Variants in ATP12A observed in about 807,000 individuals in gnomAD.
ATP12A encodes potassium-transporting ATPase alpha chain 2.
A neutral mutation model predicts 111.2 loss-of-function variants in ATP12A; 81 were observed. The ratio of observed to expected loss-of-function variants is 0.73; its 90% CI spans 0.61 to 0.88. The LOEUF (loss-of-function observed/expected upper bound fraction) is 0.88, where lower values mean the gene tolerates loss of function less well. Ranked by LOEUF, ATP12A falls within the 40% of genes least tolerant of loss-of-function variation. The pLI is 0.00. For synonymous variants in ATP12A, 498 were observed against 499.8 expected (o/e 1.00, Z 0.05); for missense variants, 1,196 against 1,313.1 (o/e 0.91, Z 1.38).
chr13:24,690,750 T>C, intron 7 of ATP12A, 29 bp downstream of exon 7: 5 of 1,574,468 alleles, frequency 3.2e-6, no homozygotes, highest in Non-Finnish European at 3.5e-6. Context: ...TCAGCCCACA[T>C]GTCCACCTGT....
chr13:24,702,077 C>T lies in ATP12A; in HGVS notation c.2018+6C>T, dbSNP rs909750204. The T allele has an allele frequency of 1.9e-6, 3 of 1,614,078 alleles. No homozygotes were observed. Among genetic ancestry groups the T allele is most frequent in the Non-Finnish European group, 2.5e-6 (3 of 1,180,030 alleles). On this transcript the variant is annotated splice_donor_region_variant and intron_variant, in intron 14 of 22. Coordinates refer to ENST00000381946, the MANE Select transcript of ATP12A (RefSeq NM_001676.7). ...GTGGAGCAAGTTAACAAACGGTAAG[C>T]ACAGGAGCAGCATAGTAAAAATTCC...
chr13:24,682,822 T>C (rs1444846586), intron 2 of ATP12A, among the ~76,000 whole-genome samples: 1 of 152,176 alleles, frequency 6.6e-6, no homozygotes, highest in East Asian at 1.9e-4. Flanking sequence ...CCATTTCCTT[T>C]ATGTAAAATG....
Position 24,690,395 on chromosome 13 carries a change from GT to G in ATP12A, c.605del (p.Val202GlyfsTer127). Reference protein sequence around the residue: ...KKTIPSEQLVVGDIVEVKGGD... With the variant: ...KKTIPSEQLVXGDIVEVKGGD... ...GACCATCCCTTCAGAGCAGCTGGTGGTGGGGGACATTGTGGAGGTCAAAGGA... is the reference window on the plus strand; with the variant it reads ...GACCATCCCTTCAGAGCAGCTGGTGGGGGGGACATTGTGGAGGTCAAAGGA... On this transcript the variant is annotated frameshift_variant, in exon 6 of 23. Transcript: ENST00000381946. LOFTEE classifies it high-confidence loss of function. The G allele has an allele frequency of 6.2e-7, 1 of 1,613,450 alleles. No homozygotes were observed. Among genetic ancestry groups the G allele is most frequent in the Non-Finnish European group, 8.5e-7 (1 of 1,179,904 alleles).
chr13:24,685,212 C>T lies in ATP12A; in HGVS notation c.169-102C>T, dbSNP rs1874625155. 1 of 1,109,078 alleles carries T rather than the reference C, an allele frequency of 9.0e-7. No homozygotes were observed. The highest frequency in any genetic ancestry group is 1.4e-6 in the Non-Finnish European group (1 of 725,876). The allele number at this position is 1,109,078 out of a possible 1,614,324, so 68.7% of individuals were successfully genotyped here. ...CCCACACTCCTCGATCCCCTCCCATCCTCAGGGCTGCTACTCCCAGCTTCC... is the reference window on the plus strand; with the variant it reads ...CCCACACTCCTCGATCCCCTCCCATTCTCAGGGCTGCTACTCCCAGCTTCC... On this transcript the variant is annotated intron_variant, in intron 2 of 22. Transcript: ENST00000381946. The surrounding 1 kb of genome is among the most constrained non-coding windows in gnomAD (Gnocchi z 5.5).
rs1875963543 is a variant in ATP12A, at chr13:24,711,393, C to T, written c.3075C>T (p.Ile1025=). The T allele has an allele frequency of 1.9e-6, 3 of 1,613,180 alleles. No individual in the cohort carries two copies. In the African/African-American group the frequency reaches 4.0e-5, roughly 22 times the overall value. ...ATGATGAGGTGCGGAAGCTCTTCAT[C>T]AGGCTCTACCCTGGAAGTGAGTAGC... ...WVYDEVRKLF[I]RLYPGSWWDK... is the part of the protein sequence containing the mutation. Residue 1025 remains isoleucine, a synonymous_variant, in exon 22 of 23, where the codon ATC becomes ATT. Coordinates refer to ENST00000381946, the MANE Select transcript of ATP12A (RefSeq NM_001676.7).
rs1389343925 is a variant in ATP12A at position 24,710,816 on chromosome 13, C to T, written c.2922C>T (p.Ile974=). 1 of 1,614,094 alleles carries T rather than the reference C, an allele frequency of 6.2e-7. No homozygotes were observed. The highest frequency in any genetic ancestry group is 1.3e-5 in the African/African-American group (1 of 74,946). Reference sequence around the variant, plus strand: ...GAAATAAAGTCATCTGGGTGGGGATCACCTCACAGATCATCATTGGTCTGA... The same window carrying T: ...GAAATAAAGTCATCTGGGTGGGGATTACCTCACAGATCATCATTGGTCTGA... The part of the protein sequence containing the change: ...LFRNKVIWVG[I]TSQIIIGLIL... The change falls in exon 21 of 23, where the codon ATC becomes ATT. Residue 974 remains isoleucine (I), a synonymous_variant. Coordinates refer to ENST00000381946, the MANE Select transcript of ATP12A (RefSeq NM_001676.7).
chr13:24,693,586 C>G (rs1394976545), intron 10 of ATP12A, among the ~76,000 whole-genome samples: 1 of 152,240 alleles, frequency 6.6e-6, no homozygotes, highest in Non-Finnish European at 1.5e-5. Flanking sequence ...TCAACTCCAA[C>G]CCGAATCTCT....
chr13:24,692,895 A>C lies in ATP12A; in HGVS notation c.1376A>C (p.Lys459Thr), dbSNP rs761287267. The change falls in exon 10 of 23, where the codon AAG becomes ACG. Residue 459 changes from lysine (K) to threonine (T), a missense_variant and splice_region_variant. Lys to Thr is a moderately conservative substitution (Grantham distance 78). This residue lies in a region of ATP12A where 1,126 missense variants were observed against 1,228.5 expected (regional missense o/e 0.92). Transcript: ENST00000381946. ...GGACAGGAAAATGTCCCCATCATGA[A>C]GGTAATGCTTCTGCAGCACTTGGTC... ...KPGQENVPIM[K>T]KAVIGDASET... is the part of the protein sequence containing the mutation. 3.7e-6 allele frequency: 6 copies of C among 1,612,858 alleles called. No individual in the cohort carries two copies. In the Middle Eastern group the frequency reaches 5.0e-4, roughly 133 times the overall value.
chr13:24,710,339 TG>T, intron 19 of ATP12A, 120 bp from the exon 20 acceptor site: 1 of 1,175,192 alleles, frequency 8.5e-7, no homozygotes, highest in Non-Finnish European at 1.2e-6. Flanking sequence ...CACTAGAAGG[TG>T]GTCCATTCTC....
intron 8 of ATP12A, 110 bp downstream of exon 8, chr13:24,691,360 C>T (rs1043773742): frequency 3.0e-6 from 4 of 1,331,842 alleles, no homozygotes; most frequent in East Asian, 2.5e-5. Flanking sequence ...GCACCACGCC[C>T]TCCCCGCCAG....
intron 14 of ATP12A, 21 bp from the exon 15 acceptor site, chr13:24,706,292 A>G (rs1875628901): frequency 6.2e-7 from 1 of 1,611,760 alleles, no homozygotes; most frequent in Admixed American, 1.7e-5. Flanking sequence ...GGCCTCACCC[A>G]GTTTCTTCTG....
intron 9 of ATP12A, 63 bp from the exon 10 acceptor site, chr13:24,692,724 G>C (rs776269833): frequency 1.6e-4 from 258 of 1,599,888 alleles, no homozygotes; most frequent in Non-Finnish European, 2.2e-4. Flanking sequence ...AGGATTGCTG[G>C]ACAGTGACTC....
At position 24,702,169 on chromosome 13, in the gene ATP12A, C is replaced by T. The variant is rs1052921117; in HGVS notation, c.2018+98C>T. On this transcript the variant is annotated intron_variant, in intron 14 of 22. Transcript: ENST00000381946. ...CTACTTGGAACAAATCAGCTTTTTGCTCTCAGAGTTATGCTAGGCTTGTTT... is the reference window on the plus strand; with the variant it reads ...CTACTTGGAACAAATCAGCTTTTTGTTCTCAGAGTTATGCTAGGCTTGTTT... 13 of 1,478,902 alleles carry T rather than the reference C, an allele frequency of 8.8e-6. No individual in the cohort carries two copies. The Middle Eastern group carries it at 5.2e-4, about 59-fold the overall frequency. The allele number at this position is 1,478,902 out of a possible 1,614,324, so 91.6% of individuals were successfully genotyped here. A position where few individuals can be genotyped will look rare whatever the true frequency, so the allele number is the denominator to read the frequency against.
In ATP12A at chr13:24,711,601, C is replaced by A; in HGVS notation, c.*79C>A. On this transcript the variant is annotated 3_prime_UTR_variant, in exon 23 of 23. Coordinates refer to ENST00000381946, the MANE Select transcript of ATP12A (RefSeq NM_001676.7). ...CTTCTGACCGTTTGCTGGGCTATTC[C>A]CCTGCAGTGCAGACATCGTCAAAAT... The A allele has an allele frequency of 6.3e-7, 1 of 1,583,412 alleles. No homozygotes were observed. The highest frequency in any genetic ancestry group is 1.1e-5 in the South Asian group (1 of 90,014).
intron 7 of ATP12A, 72 bp downstream of exon 7, chr13:24,690,793 C>A: frequency 1.3e-6 from 2 of 1,485,158 alleles, no homozygotes; most frequent in Non-Finnish European, 9.2e-7. Context: ...TCAGGTCTGT[C>A]CTTTGCCACA....
At chr13:24,701,894 T>A in intron 13 of ATP12A, 41 bp from the exon 14 acceptor site, 1 of 1,613,086 alleles carries the variant, frequency 6.2e-7, no homozygotes. Context: ...GCCAACCGAG[T>A]TCTTCATTAC....
rs745626752 is a variant in ATP12A, at chr13:24,701,899, C to T, written c.1882-36C>T. The T allele has an allele frequency of 1.2e-5, 19 of 1,613,568 alleles. No homozygotes were observed. The Admixed American group carries it at 2.7e-4, about 23-fold the overall frequency. On this transcript the variant is annotated intron_variant, in intron 13 of 22. Transcript: ENST00000381946. ...CCCCACTTTGGCCAACCGAGTTCTT[C>T]ATTACCCGTGGGCCTTCTCGTTGTC...
Position 24,711,304 on chromosome 13 carries a change from C to T in ATP12A, c.3000-14C>T, listed in dbSNP as rs1265387778. On this transcript the variant is annotated splice_polypyrimidine_tract_variant and intron_variant, in intron 21 of 22. Coordinates refer to ENST00000381946, the MANE Select transcript of ATP12A (RefSeq NM_001676.7). ...GGATGAGTCAGGGTTCACTTTCCAT[C>T]CCTTTGCTTCCAGGGCTCAGTACTG... 6.3e-7 allele frequency: 1 copy of T among 1,585,358 alleles called. No homozygotes were observed. Among genetic ancestry groups the T allele is most frequent in the East Asian group, 2.3e-5 (1 of 44,164 alleles).
At chr13:24,681,518 AAACCCCAT>A (rs1566067581) in intron 1 of ATP12A, 36 bp from the exon 2 acceptor site, 1 of 1,592,090 alleles carries the variant, frequency 6.3e-7, no homozygotes, top group Non-Finnish European at 8.5e-7. Context: ...ACCTCTTCGG[AAACCCCAT>A]TTGGGGCCAA....
Sources: gnomAD v4.1 joint callset for allele counts (sites outside exome capture counted in the v4.1 genomes callset) on GRCh38, gnomAD v4.1.1 for gene constraint, gnomAD v4.1.1 regional missense constraint, Gnocchi (gnomAD v3.1) non-coding constraint, MANE v1.5 for transcripts, NCBI Gene and HGNC (gene_info 2026-07-23, HGNC 2026-07-21) for gene names.